NBEAL1: variants seen among roughly 807,000 people sequenced by gnomAD.
NBEAL1 encodes the protein neurobeachin-like protein 1.
In NBEAL1, 273 loss-of-function variants were observed where a neutral mutation model predicts 351.3. That is an observed-to-expected ratio of 0.78 (90% CI 0.70 to 0.86). The LOEUF is 0.86. Among genes scored for constraint, NBEAL1 ranks in the 40% least tolerant of loss-of-function variants. NBEAL1 has a pLI of 0.00. For missense variants in NBEAL1, 2,961 were observed against 3,201.3 expected (o/e 0.92, Z 1.81); for synonymous variants, 1,050 against 1,086.4 (o/e 0.97, Z 0.66).
At chr2:203,196,021 C>G (rs978884860) in intron 47 of NBEAL1, among the ~76,000 whole-genome samples, 4 of 152,194 alleles carry the variant, frequency 2.6e-5, no homozygotes, top group African/African-American at 9.6e-5. Flanking sequence ...GCCAGTCTTG[C>G]AAGTAGGCCT....
rs186924865 is a variant in NBEAL1, at chr2:203,062,871, G to A, written c.515+5418G>A. 1.1e-3 allele frequency among the ~76,000 whole-genome samples: 170 copies of A among 151,952 alleles called. No individual in the cohort carries two copies. The highest frequency in any genetic ancestry group is 3.8e-3 in the African/African-American group (157 of 41,490). The stretch of plus-strand genomic sequence containing the variant: ...TTGCTCATGGAAGACCTATACAAAG[G>A]GATCTACAGCAATAATTTACACCTT... On this transcript the variant is annotated intron_variant, in intron 6 of 55. Coordinates refer to ENST00000683969, the MANE Select transcript of NBEAL1 (RefSeq NM_001378026.1). The surrounding 1 kb of genome is among the most constrained non-coding windows in gnomAD (Gnocchi z 4.2).
intron 36 of NBEAL1, among the ~76,000 whole-genome samples, chr2:203,164,862 T>TC (rs914120203): frequency 5.6e-4 from 39 of 69,634 alleles, no homozygotes; most frequent in Admixed American, 5.3e-3. Context: ...CCCATTTCTC[T>TC]TTTTTTTTTT....
chr2:203,105,899 C>A (rs2062426620), intron 12 of NBEAL1, among the ~76,000 whole-genome samples: 1 of 152,202 alleles, frequency 6.6e-6, no homozygotes. Flanking sequence ...AGCTTTATAT[C>A]AGAGTTTTTC....
intron 4 of NBEAL1, among the ~76,000 whole-genome samples, chr2:203,054,223 C>T (rs2061370584): frequency 6.6e-6 from 1 of 152,058 alleles, no homozygotes. Context: ...GTCAGGAGTT[C>T]CGGACCAGCC....
At chr2:203,099,745 TCTTAA>T in intron 12 of NBEAL1, 33 bp downstream of exon 12, 1 of 1,355,790 alleles carries the variant, frequency 7.4e-7, no homozygotes, top group Non-Finnish European at 1.0e-6. Flanking sequence ...TTTTTTTTTT[TCTTAA>T]CTTTTATTTT....
intron 49 of NBEAL1, 97 bp downstream of exon 49, chr2:203,199,544 ATTTTTT>A: frequency 1.7e-5 from 8 of 479,342 alleles, no homozygotes; most frequent in Middle Eastern, 5.7e-4. Context: ...TGAAAGAAAT[ATTTTTT>A]TTTTTTTTTT....
chr2:203,167,155 T>C, intron 37 of NBEAL1, 72 bp from the exon 38 acceptor site: 1 of 1,400,102 alleles, frequency 7.1e-7, no homozygotes, highest in Non-Finnish European at 9.7e-7. Context: ...TGTCAAGAAC[T>C]AAGAGGTATT....
In NBEAL1 at chr2:203,107,828, C is replaced by G. The variant is rs1183098304; in HGVS notation, c.1589C>G (p.Ser530Cys). ...ATCATTGAAACCCTTGACTTGCATTCTTCCCTCCATCAAACTTGTGCTGAG... is the reference window on the plus strand; with the variant it reads ...ATCATTGAAACCCTTGACTTGCATTGTTCCCTCCATCAAACTTGTGCTGAG... ...IRIIETLDLH[S>C]SLHQTCAENL... The change falls in exon 14 of 56, where the codon TCT becomes TGT. Residue 530 changes from serine (S) to cysteine (C), a missense_variant. Ser to Cys is a moderately radical substitution (Grantham distance 112). Coordinates refer to ENST00000683969, the MANE Select transcript of NBEAL1 (RefSeq NM_001378026.1). 2 of 1,554,550 alleles carry G rather than the reference C, an allele frequency of 1.3e-6. No homozygotes were observed. The highest frequency in any genetic ancestry group is 2.4e-5 in the South Asian group (2 of 84,320).
At chr2:203,211,555 G>A (rs1428184153) in intron 54 of NBEAL1, among the ~76,000 whole-genome samples, 2 of 152,096 alleles carry the variant, frequency 1.3e-5, no homozygotes, top group Non-Finnish European at 2.9e-5. Context: ...GCTGAGGTGG[G>A]AGGATTGCTT....
chr2:203,212,041 C>T (rs1575139081), intron 54 of NBEAL1, among the ~76,000 whole-genome samples: 1 of 152,044 alleles, frequency 6.6e-6, no homozygotes, highest in Non-Finnish European at 1.5e-5. Context: ...TGCGTGCCAT[C>T]GTGCCCAGCT....
At chr2:203,200,117 G>A (rs919170647) in intron 49 of NBEAL1, among the ~76,000 whole-genome samples, 2 of 152,218 alleles carry the variant, frequency 1.3e-5, no homozygotes, top group Non-Finnish European at 2.9e-5. Context: ...AATGGCTCAC[G>A]CCTGTAATCC....
intron 2 of NBEAL1, among the ~76,000 whole-genome samples, chr2:203,019,438 GT>G (rs1378821336): frequency 1.3e-5 from 2 of 152,146 alleles, no homozygotes; most frequent in Non-Finnish European, 2.9e-5. Flanking sequence ...ATGATCAATT[GT>G]TTTTCTTGAG....
At chr2:203,192,215 TA>T (rs1296813509) in intron 46 of NBEAL1, among the ~76,000 whole-genome samples, 6 of 152,202 alleles carry the variant, frequency 3.9e-5, no homozygotes, top group African/African-American at 1.4e-4. Context: ...AGTAACAGAC[TA>T]AAACAGAATG....
At chr2:203,094,857 C>A (rs183166631) in intron 10 of NBEAL1, among the ~76,000 whole-genome samples, 2 of 152,302 alleles carry the variant, frequency 1.3e-5, no homozygotes, top group African/African-American at 4.8e-5. Flanking sequence ...CTCAGTGGCT[C>A]ACGCCTGTAA....
At chr2:203,201,964 T>C (rs2065412597) in intron 50 of NBEAL1, among the ~76,000 whole-genome samples, 1 of 152,148 alleles carries the variant, frequency 6.6e-6, no homozygotes, top group African/African-American at 2.4e-5. Flanking sequence ...GTTGTTTTTT[T>C]TTAATGAATG....
At position 203,167,302 on chromosome 2, in the gene NBEAL1, C is replaced by T. The variant is rs763350559; in HGVS notation, c.5939C>T (p.Ser1980Leu). 5.6e-6 allele frequency: 9 copies of T among 1,613,056 alleles called. No individual in the cohort carries two copies. The highest frequency in any genetic ancestry group is 7.6e-6 in the Non-Finnish European group (9 of 1,179,612). The change falls in exon 38 of 56, where the codon TCA becomes TTA. Residue 1980 changes from serine (S) to leucine (L), a missense_variant. By Grantham distance (145) the Ser-to-Leu change is moderately radical. Transcript: ENST00000683969. ...CTCCGGCGTTACAATTTAAGAAGATCAGCCCTTGAGATTTTTCATGTTGAC... is the reference window on the plus strand; with the variant it reads ...CTCCGGCGTTACAATTTAAGAAGATTAGCCCTTGAGATTTTTCATGTTGAC... ...IHLRRYNLRR[S>L]ALEIFHVDQS...
At chr2:203,083,758 A>G (rs1488336567) in intron 9 of NBEAL1, among the ~76,000 whole-genome samples, 1 of 152,176 alleles carries the variant, frequency 6.6e-6, no homozygotes, top group African/African-American at 2.4e-5. Context: ...TGAAAGTGTA[A>G]TCTCCTAAAA....
At chr2:203,177,483 A>T (rs1366237582) in intron 42 of NBEAL1, among the ~76,000 whole-genome samples, 2 of 152,168 alleles carry the variant, frequency 1.3e-5, no homozygotes, top group Non-Finnish European at 2.9e-5. Context: ...TTCAAAGGAG[A>T]TATGCAAATG....
intron 41 of NBEAL1, among the ~76,000 whole-genome samples, chr2:203,174,216 C>CAA (rs10652390): frequency 0.19 from 4,725 of 24,542 alleles, 1,224 homozygotes; most frequent in East Asian, 0.52. Context: ...TTTATACTAG[C>CAA]AAAAAAAAAA....
Sources: gnomAD v4.1 joint callset for allele counts (sites outside exome capture counted in the v4.1 genomes callset) on GRCh38, gnomAD v4.1.1 for gene constraint, Gnocchi (gnomAD v3.1) non-coding constraint, MANE v1.5 for transcripts, NCBI Gene and HGNC (gene_info 2026-07-23, HGNC 2026-07-21) for gene names.